NT5C2: variants seen among roughly 807,000 people sequenced by gnomAD.
NT5C2 encodes the protein cytosolic purine 5'-nucleotidase.
Under a neutral mutation model 76.1 loss-of-function variants are expected in NT5C2, and 58 were observed. The ratio of observed to expected loss-of-function variants is 0.76; its 90% CI spans 0.62 to 0.95. The LOEUF is 0.95. Ranked by LOEUF, NT5C2 falls within the 40% of genes least tolerant of loss-of-function variation. NT5C2 has a pLI of 0.00. For missense variants in NT5C2, 478 were observed against 690.3 expected (o/e 0.69, Z 3.45); for synonymous variants, 229 against 237.4 (o/e 0.96, Z 0.32).
chr10:103,125,389 C>T, intron 4 of NT5C2: 1 of 288,364 alleles, frequency 3.5e-6, no homozygotes, highest in Non-Finnish European at 6.6e-6. Context: ...CTCTTGAGGG[C>T]ATCAGCCAAG....
chr10:103,131,057 G>C (rs1315121292), intron 4 of NT5C2, among the ~76,000 whole-genome samples: 1 of 152,092 alleles, frequency 6.6e-6, no homozygotes, highest in Non-Finnish European at 1.5e-5. Flanking sequence ...ACAAATTTAG[G>C]CAAATTTACA....
chr10:103,153,755 CAAA>C, intron 3 of NT5C2: 1 of 982,086 alleles, frequency 1.0e-6, no homozygotes, highest in Non-Finnish European at 1.2e-6. Context: ...ACTCTGGGAG[CAAA>C]AAACACAGGA....
chr10:103,162,856 T>A (rs1440381410), intron 3 of NT5C2, among the ~76,000 whole-genome samples: 1 of 152,204 alleles, frequency 6.6e-6, no homozygotes, highest in Non-Finnish European at 1.5e-5. Context: ...TATGTATACA[T>A]TTCTATGAAT....
chr10:103,099,997 C>CA lies in NT5C2; in HGVS notation c.561dup (p.Gly188TrpfsTer19). ...CTCCGGTAGGACATGAAGAGGTCCC[C>CA]ATCTTTAAATCCTGTTTCACAACTA... On this transcript the variant is annotated frameshift_variant, in exon 9 of 19. Transcript: ENST00000404739. LOFTEE classifies it high-confidence loss of function. The CA allele has an allele frequency of 6.2e-7, 1 of 1,610,826 alleles. No individual in the cohort carries two copies. Among genetic ancestry groups the CA allele is most frequent in the Non-Finnish European group, 8.5e-7 (1 of 1,177,444 alleles).
At chr10:103,128,080 C>T (rs866032379) in intron 4 of NT5C2, among the ~76,000 whole-genome samples, 1 of 136,588 alleles carries the variant, frequency 7.3e-6, no homozygotes, top group East Asian at 2.1e-4. Context: ...TCTCCCTCTC[C>T]CTCTCCCTCT....
chr10:103,163,061 CTG>C (rs562872339), intron 3 of NT5C2, among the ~76,000 whole-genome samples: 13 of 152,152 alleles, frequency 8.5e-5, no homozygotes, highest in Non-Finnish European at 1.5e-4. Context: ...TCATTTAAGA[CTG>C]TCTTATTTGA....
intron 3 of NT5C2, among the ~76,000 whole-genome samples, chr10:103,149,099 T>C (rs371167195): frequency 9.2e-5 from 14 of 152,282 alleles, no homozygotes; most frequent in African/African-American, 3.1e-4. Flanking sequence ...AAGTCAGTCA[T>C]GTAGGTTGTG....
intron 3 of NT5C2, among the ~76,000 whole-genome samples, chr10:103,165,023 G>C (rs1044260055): frequency 6.6e-6 from 1 of 152,222 alleles, no homozygotes; most frequent in African/African-American, 2.4e-5. Flanking sequence ...ACATTTTTAA[G>C]AGCATCTTGT....
Position 103,091,193 on chromosome 10 carries a change from A to C in NT5C2, c.1212-197T>G, listed in dbSNP as rs992829046. ...TGGGATTACAGGCATGTGCCACCAC[A>C]CTCAGCTACTTTTTGTATTTCTGGT... On this transcript the variant is annotated intron_variant, in intron 16 of 18. Coordinates refer to ENST00000404739, the MANE Select transcript of NT5C2 (RefSeq NM_001351169.2). 3.3e-5 allele frequency among the ~76,000 whole-genome samples: 5 copies of C among 151,190 alleles called. No individual in the cohort carries two copies. In the East Asian group the frequency reaches 9.8e-4, roughly 30 times the overall value.
chr10:103,155,013 A>G (rs1420322416), intron 3 of NT5C2, among the ~76,000 whole-genome samples: 1 of 152,244 alleles, frequency 6.6e-6, no homozygotes, highest in Non-Finnish European at 1.5e-5. Flanking sequence ...AACTGAGGGT[A>G]CACACTTACA....
rs1193967163 is a variant in NT5C2, at chr10:103,088,308, G to A, written c.*1364C>T. 6.6e-6 allele frequency: 1 copy of A among 152,226 alleles called. No individual in the cohort carries two copies. The highest frequency in any genetic ancestry group is 1.5e-5 in the Non-Finnish European group (1 of 68,038). 9.4% of individuals were successfully genotyped at this position (152,226 alleles called of 1,614,324 possible). ...TTGAAACAACTTTCACTGTACTGGT[G>A]AAACAGTTTTAATACCCTAACATAC... On this transcript the variant is annotated 3_prime_UTR_variant, in exon 19 of 19. Coordinates refer to ENST00000404739, the MANE Select transcript of NT5C2 (RefSeq NM_001351169.2).
intron 4 of NT5C2, among the ~76,000 whole-genome samples, chr10:103,114,647 AATGAATTGG>A (rs1392906353): frequency 1.3e-5 from 2 of 152,224 alleles, no homozygotes; most frequent in Non-Finnish European, 2.9e-5. Flanking sequence ...TTAGGTACTT[AATGAATTGG>A]AAATCTAGAT....
intron 3 of NT5C2, 116 bp downstream of exon 3, chr10:103,174,742 C>A: frequency 1.3e-6 from 1 of 742,748 alleles, no homozygotes; most frequent in South Asian, 1.5e-5. Context: ...GTACCATGTA[C>A]TAGACATACG....
intron 4 of NT5C2, among the ~76,000 whole-genome samples, chr10:103,121,537 A>G (rs1338551072): frequency 1.3e-5 from 2 of 152,208 alleles, no homozygotes; most frequent in Non-Finnish European, 2.9e-5. Flanking sequence ...GTCCATTCCA[A>G]TAACAATAAA....
intron 3 of NT5C2, among the ~76,000 whole-genome samples, chr10:103,162,817 C>A (rs1269572293): frequency 3.3e-5 from 5 of 151,970 alleles, no homozygotes; most frequent in Non-Finnish European, 5.9e-5. Context: ...TACTAAAATA[C>A]AGTAATAGTT....
At chr10:103,190,931 T>C (rs1591971651) in intron 1 of NT5C2, among the ~76,000 whole-genome samples, 1 of 152,274 alleles carries the variant, frequency 6.6e-6, no homozygotes, top group Non-Finnish European at 1.5e-5. Flanking sequence ...GAAATATTGG[T>C]AAGAGCAAAA....
chr10:103,110,356 T>A (rs1474298331), intron 4 of NT5C2, among the ~76,000 whole-genome samples: 1 of 152,132 alleles, frequency 6.6e-6, no homozygotes, highest in African/African-American at 2.4e-5. Flanking sequence ...CTTAGGAGGC[T>A]GAGGCAGGAG....
intron 9 of NT5C2, 96 bp downstream of exon 9, chr10:103,099,830 T>A (rs1190594742): frequency 5.2e-6 from 4 of 771,048 alleles, no homozygotes; most frequent in Admixed American, 2.4e-5. Context: ...TTTCTTTTTT[T>A]AAAAAAAGAA....
At chr10:103,153,441 C>T in intron 3 of NT5C2, 1 of 1,140,252 alleles carries the variant, frequency 8.8e-7, no homozygotes, top group Non-Finnish European at 1.1e-6. Context: ...GGGCACAATG[C>T]CGAACCCTAA....
Sources: allele counts gnomAD v4.1 joint callset (sites outside exome capture counted in the v4.1 genomes callset), GRCh38; gene constraint gnomAD v4.1.1; transcripts MANE v1.5; gene names NCBI Gene and HGNC (gene_info 2026-07-23, HGNC 2026-07-21).